LRP2: variants seen among roughly 807,000 people sequenced by gnomAD.
The protein encoded by LRP2 is LDL receptor related protein 2, also known as low-density lipoprotein receptor-related protein 2.
LRP2 carries 172 observed loss-of-function variants against 531.0 expected under a neutral mutation model. That is an observed-to-expected ratio of 0.32 (90% CI 0.29 to 0.37). The LOEUF (loss-of-function observed/expected upper bound fraction) is 0.37, where lower values mean the gene tolerates loss of function less well. LRP2 is among the 10% of genes least tolerant of loss of function. The pLI, the probability that LRP2 is intolerant of heterozygous loss-of-function variation, is 1.00. For synonymous variants in LRP2, 1,992 were observed against 2,027.6 expected, an observed-to-expected ratio of 0.98 and a Z score of 0.47; for missense variants, 5,167 against 5,868.3, an observed-to-expected ratio of 0.88 and a Z score of 3.90.
Position 169,206,894 on chromosome 2 carries a change from G to T in LRP2, c.6826C>A (p.Arg2276Ser). The T allele has an allele frequency of 6.2e-7, 1 of 1,614,128 alleles. No homozygotes were observed. The highest frequency in any genetic ancestry group is 8.5e-7 in the Non-Finnish European group (1 of 1,180,034). Reference sequence around the variant, plus strand: ...GTGATGCCATAAGGAGTTGGGTAACGACTGCCATAACGAATCACTTCAGAG... The same window carrying T: ...GTGATGCCATAAGGAGTTGGGTAACTACTGCCATAACGAATCACTTCAGAG... ...ENSEVIRYGS[R>S]YPTPYGITVF... Residue 2276 changes from arginine to serine, a missense_variant, in exon 39 of 79, where the codon CGT (arginine) becomes AGT (serine). This residue lies in a region of LRP2 where 2,811 missense variants were observed against 3,058.0 expected (regional missense o/e 0.92). Coordinates refer to ENST00000649046, the MANE Select transcript of LRP2 (RefSeq NM_004525.3).
At chr2:169,352,313 A>C (rs1307982262) in intron 1 of LRP2, among the ~76,000 whole-genome samples, 2 of 152,244 alleles carry the variant, frequency 1.3e-5, no homozygotes, top group Non-Finnish European at 2.9e-5. Context: ...TGGCCAAAAA[A>C]GGAGGTGGCC....
chr2:169,352,828 A>T (rs1023448798), intron 1 of LRP2, among the ~76,000 whole-genome samples: 1 of 151,338 alleles, frequency 6.6e-6, no homozygotes, highest in African/African-American at 2.4e-5. Context: ...AGGGGGGGGA[A>T]CATCACACAC....
At chr2:169,207,989 C>A (rs2268373) in intron 38 of LRP2, among the ~76,000 whole-genome samples, 2 of 152,066 alleles carry the variant, frequency 1.3e-5, no homozygotes, top group African/African-American at 4.8e-5. Flanking sequence ...CTAGAGAAAT[C>A]AGGCCAATGT....
chr2:169,144,062 G>C (rs1367914910), intron 70 of LRP2, among the ~76,000 whole-genome samples: 1 of 152,272 alleles, frequency 6.6e-6, no homozygotes, highest in East Asian at 1.9e-4. Context: ...AGAAGGTCTG[G>C]GGTGGGCCTG....
At chr2:169,256,647 G>T (rs1690315879) in intron 18 of LRP2, among the ~76,000 whole-genome samples, 1 of 151,818 alleles carries the variant, frequency 6.6e-6, no homozygotes, top group African/African-American at 2.4e-5. Context: ...TTCCTAGATA[G>T]ATCATCAATT....
At chr2:169,282,783 G>A in intron 10 of LRP2, 90 bp downstream of exon 10, 1 of 1,402,812 alleles carries the variant, frequency 7.1e-7, no homozygotes. Context: ...CAACAAAAAT[G>A]CTGATAATTC....
In LRP2 at chr2:169,198,915, GA is replaced by G. The variant is rs752136018; in HGVS notation, c.8453-5del. On this transcript the variant is annotated splice_region_variant and splice_polypyrimidine_tract_variant and intron_variant, in intron 44 of 78. Coordinates refer to ENST00000649046, the MANE Select transcript of LRP2 (RefSeq NM_004525.3). ...CCAGACTGGCAAGTGCGATCAGCTT[GA>G]AAAAGACAACCAGATAAATATTAGG... is the stretch of plus-strand genomic sequence containing the variant. The G allele has an allele frequency of 7.4e-6, 12 of 1,612,674 alleles. No homozygotes were observed. The highest frequency in any genetic ancestry group is 9.3e-6 in the Non-Finnish European group (11 of 1,179,260).
chr2:169,145,144 T>C (rs2239592), intron 70 of LRP2, among the ~76,000 whole-genome samples: 91,510 of 152,078 alleles, frequency 0.6, 30,438 homozygotes, highest in South Asian at 0.79. Flanking sequence ...GAATTTGACA[T>C]AAGAACTTAG....
intron 58 of LRP2, among the ~76,000 whole-genome samples, chr2:169,171,479 G>C (rs1687004765): frequency 6.6e-6 from 1 of 152,124 alleles, no homozygotes; most frequent in South Asian, 2.1e-4. Context: ...CTTCGACTGG[G>C]AGAGAGAAAC....
At chr2:169,359,033 T>C (rs1686074194) in intron 1 of LRP2, among the ~76,000 whole-genome samples, 1 of 151,784 alleles carries the variant, frequency 6.6e-6, no homozygotes, top group Admixed American at 6.6e-5. Flanking sequence ...GAAATAGGAA[T>C]AGGAAGCAAA....
At chr2:169,326,121 T>C (rs1685042685) in intron 1 of LRP2, among the ~76,000 whole-genome samples, 1 of 131,252 alleles carries the variant, frequency 7.6e-6, no homozygotes, top group African/African-American at 3.1e-5. Context: ...GATATGGTCC[T>C]TTTTTGCTCT....
intron 32 of LRP2, 42 bp from the exon 33 acceptor site, chr2:169,225,495 T>C (rs1689169033): frequency 1.9e-6 from 3 of 1,612,146 alleles, no homozygotes; most frequent in East Asian, 2.2e-5. Flanking sequence ...TCCAAGGCCA[T>C]GGCTCCTACA....
chr2:169,356,254 C>A (rs1685983759), intron 1 of LRP2, among the ~76,000 whole-genome samples: 2 of 152,170 alleles, frequency 1.3e-5, no homozygotes, highest in South Asian at 4.1e-4. Context: ...AGTTTTGTGA[C>A]ATTCACCAAC....
intron 5 of LRP2, 61 bp from the exon 6 acceptor site, chr2:169,294,322 A>C: frequency 9.9e-7 from 1 of 1,005,198 alleles, no homozygotes; most frequent in African/African-American, 1.6e-5. Context: ...GTAGCCATTT[A>C]ATCTCAAAGG....
chr2:169,292,663 C>T (rs975252382), intron 6 of LRP2, among the ~76,000 whole-genome samples: 6 of 151,270 alleles, frequency 4.0e-5, no homozygotes, highest in East Asian at 3.9e-4. Flanking sequence ...ACCAAAAATA[C>T]GAAAAATAAA....
At chr2:169,288,449 A>G (rs1265057866) in intron 9 of LRP2, among the ~76,000 whole-genome samples, 7 of 152,186 alleles carry the variant, frequency 4.6e-5, no homozygotes, top group Non-Finnish European at 8.8e-5. Context: ...CTCATCTTGA[A>G]TGATAGTTCC....
intron 1 of LRP2, among the ~76,000 whole-genome samples, chr2:169,347,076 T>C (rs533303548): frequency 6.6e-6 from 1 of 152,322 alleles, no homozygotes; most frequent in East Asian, 1.9e-4. Flanking sequence ...GTACCTTCTT[T>C]CCCTCTTTCA....
chr2:169,341,377 A>G (rs908659288), intron 1 of LRP2, among the ~76,000 whole-genome samples: 1 of 152,244 alleles, frequency 6.6e-6, no homozygotes, highest in Non-Finnish European at 1.5e-5. Flanking sequence ...CTCTAAAGAC[A>G]CTAAGTGCCT....
intron 1 of LRP2, among the ~76,000 whole-genome samples, chr2:169,324,745 C>T (rs539593437): frequency 1.1e-4 from 16 of 152,086 alleles, no homozygotes; most frequent in African/African-American, 3.6e-4. Flanking sequence ...CAGATAGCGC[C>T]CAGAGAAGAG....
Sources: gnomAD v4.1 joint callset for allele counts (sites outside exome capture counted in the v4.1 genomes callset) on GRCh38, gnomAD v4.1.1 for gene constraint, gnomAD v4.1.1 regional missense constraint, MANE v1.5 for transcripts, NCBI Gene and HGNC (gene_info 2026-07-23, HGNC 2026-07-21) for gene names.